FRMPD2: variants seen among roughly 807,000 people sequenced by gnomAD.
The protein encoded by FRMPD2 is FERM and PDZ domain-containing protein 2.
FRMPD2 carries 96 observed loss-of-function variants against 140.1 expected under a neutral mutation model. That is an observed-to-expected ratio of 0.69 (90% CI 0.58 to 0.81). FRMPD2 has a LOEUF of 0.81. Ranked by LOEUF, FRMPD2 falls within the 40% of genes least tolerant of loss-of-function variation. The pLI, the probability that FRMPD2 is intolerant of heterozygous loss-of-function variation, is 0.00. For synonymous variants in FRMPD2, 449 were observed against 547.6 expected (o/e 0.82, Z 2.52); for missense variants, 1,240 against 1,447.4 (o/e 0.86, Z 2.32).
Position 48,216,053 on chromosome 10 carries a change from C to T in FRMPD2, c.1456-3944G>A, listed in dbSNP as rs1839439517. On this transcript the variant is annotated intron_variant, in intron 12 of 28. Coordinates refer to ENST00000374201, the MANE Select transcript of FRMPD2 (RefSeq NM_001018071.4). ...CTGTAGAGAAGCAGCTCCTCTCTGC[C>T]TGACTCTCTTCATGCCAGTTCTTCT... is the stretch of plus-strand genomic sequence containing the variant. 2.0e-5 allele frequency among the ~76,000 whole-genome samples: 3 copies of T among 152,308 alleles called. No individual in the cohort carries two copies. The South Asian group carries it at 6.2e-4, about 32-fold the overall frequency.
intron 20 of FRMPD2, among the ~76,000 whole-genome samples, chr10:48,182,528 G>A (rs1838576946): frequency 6.6e-6 from 1 of 152,200 alleles, no homozygotes; most frequent in South Asian, 2.1e-4. Context: ...AGAAAGTCAT[G>A]GTAGTCAAGT....
At position 48,237,611 on chromosome 10, in the gene FRMPD2, C is replaced by T. The variant is rs369974948; in HGVS notation, c.921+380G>A. ...CTCCTCCCTATAGAAGCCCTCCCTG[C>T]GGCCCTGGATCTATGCTCCCACCTT... On this transcript the variant is annotated intron_variant, in intron 8 of 28. Coordinates refer to ENST00000374201, the MANE Select transcript of FRMPD2 (RefSeq NM_001018071.4). Among the ~76,000 whole-genome samples the T allele has an allele frequency of 2.6e-4, 40 of 152,226 alleles. 2 individuals are homozygous for T. The South Asian group carries it at 7.0e-3, about 27-fold the overall frequency.
intron 21 of FRMPD2, among the ~76,000 whole-genome samples, chr10:48,180,342 C>A (rs1838513277): frequency 6.6e-6 from 1 of 152,252 alleles, no homozygotes; most frequent in South Asian, 2.1e-4. Flanking sequence ...CTGAAGCACA[C>A]AGCCCTCCAT....
At chr10:48,216,756 CAA>C (rs1434429948) in intron 12 of FRMPD2, among the ~76,000 whole-genome samples, 1 of 152,122 alleles carries the variant, frequency 6.6e-6, no homozygotes, top group Admixed American at 6.5e-5. Context: ...ATGAAAAAGC[CAA>C]GGCTCAGAGA....
rs759553598 is a variant in FRMPD2, at chr10:48,222,326, T to C, written c.1442A>G (p.Asn481Ser). The C allele has an allele frequency of 3.7e-6, 6 of 1,614,052 alleles. No homozygotes were observed. In the South Asian group the frequency reaches 4.4e-5, roughly 12 times the overall value. ...GVLALQAEFG[N>S]YPKEQVESKP... Reference sequence around the variant, plus strand: ...GTTCACCCCTACCTCCTTAGGGTAATTGCCAAACTCAGCCTGCAAGGCAAG... The same window carrying C: ...GTTCACCCCTACCTCCTTAGGGTAACTGCCAAACTCAGCCTGCAAGGCAAG... The change falls in exon 12 of 29, where the codon AAT becomes AGT. Residue 481 changes from asparagine (N) to serine (S), a missense_variant. Around this residue, in one of 6 missense-constraint regions of FRMPD2, gnomAD observed 1,161 missense variants for 1,055.9 expected, o/e 1.10. Coordinates refer to ENST00000374201, the MANE Select transcript of FRMPD2 (RefSeq NM_001018071.4).
chr10:48,260,562 C>T (rs774241179), intron 1 of FRMPD2, among the ~76,000 whole-genome samples: 1 of 152,182 alleles, frequency 6.6e-6, no homozygotes. Flanking sequence ...AATAACATTT[C>T]ATCTGGGCAG....
At chr10:48,204,634 A>G (rs1055487551) in intron 14 of FRMPD2, among the ~76,000 whole-genome samples, 1 of 152,204 alleles carries the variant, frequency 6.6e-6, no homozygotes, top group Non-Finnish European at 1.5e-5. Flanking sequence ...GGCTTTTTTG[A>G]TATCTGCAGG....
chr10:48,191,742 T>A (rs1564420351), intron 16 of FRMPD2, among the ~76,000 whole-genome samples: 2 of 152,256 alleles, frequency 1.3e-5, no homozygotes, highest in Non-Finnish European at 2.9e-5. Context: ...CTGTGCTATT[T>A]CTATAAATTG....
chr10:48,174,619 C>A (rs1246938050), intron 24 of FRMPD2, among the ~76,000 whole-genome samples: 1 of 150,760 alleles, frequency 6.6e-6, no homozygotes, highest in African/African-American at 2.4e-5. Context: ...GGCAAGCCAC[C>A]AGTAAGTTTC....
intron 1 of FRMPD2, among the ~76,000 whole-genome samples, chr10:48,263,702 A>G (rs557349138): frequency 2.6e-5 from 4 of 152,294 alleles, no homozygotes; most frequent in African/African-American, 9.6e-5. Flanking sequence ...TTTCACTGTT[A>G]AAGTCTACCA....
chr10:48,222,277 T>C, intron 12 of FRMPD2, 36 bp downstream of exon 12: 2 of 1,599,664 alleles, frequency 1.3e-6, no homozygotes, highest in Non-Finnish European at 1.7e-6. Flanking sequence ...GTTTTTCCAG[T>C]GACCCCACAC....
chr10:48,273,118 A>T (rs1840797371), intron 1 of FRMPD2, among the ~76,000 whole-genome samples: 1 of 152,212 alleles, frequency 6.6e-6, no homozygotes, highest in Non-Finnish European at 1.5e-5. Flanking sequence ...AACTTATTAG[A>T]TGCATATGTA....
chr10:48,190,734 A>T (rs1177557458), intron 16 of FRMPD2, among the ~76,000 whole-genome samples: 1 of 152,184 alleles, frequency 6.6e-6, no homozygotes, highest in Non-Finnish European at 1.5e-5. Context: ...GTAAACCAAG[A>T]TTAGAGTTAT....
intron 12 of FRMPD2, among the ~76,000 whole-genome samples, chr10:48,221,300 A>T (rs1839581809): frequency 6.6e-6 from 1 of 152,224 alleles, no homozygotes; most frequent in African/African-American, 2.4e-5. Context: ...CCTAGGTGGA[A>T]TTAGAGACCA....
At chr10:48,209,786 G>C (rs927283547) in intron 13 of FRMPD2, among the ~76,000 whole-genome samples, 15 of 152,154 alleles carry the variant, frequency 9.9e-5, no homozygotes. Context: ...GAATGAAGCA[G>C]AAATACAGCT....
chr10:48,218,856 G>T (rs1241342108), intron 12 of FRMPD2, among the ~76,000 whole-genome samples: 1 of 152,224 alleles, frequency 6.6e-6, no homozygotes, highest in African/African-American at 2.4e-5. Flanking sequence ...TTGTCACAGG[G>T]ATGCTGGGAG....
intron 7 of FRMPD2, among the ~76,000 whole-genome samples, chr10:48,239,110 G>C (rs1840038464): frequency 1.3e-5 from 2 of 152,280 alleles, no homozygotes; most frequent in Admixed American, 1.3e-4. Context: ...GAGCTTCCCA[G>C]ACAATGGCCA....
At chr10:48,237,066 C>G (rs1442958702) in intron 8 of FRMPD2, among the ~76,000 whole-genome samples, 1 of 151,864 alleles carries the variant, frequency 6.6e-6, no homozygotes, top group African/African-American at 2.4e-5. Flanking sequence ...AGCTATCCCC[C>G]TGTGGGGTGC....
intron 14 of FRMPD2, 102 bp downstream of exon 14, chr10:48,206,646 T>C: frequency 1.2e-6 from 1 of 848,644 alleles, no homozygotes; most frequent in Non-Finnish European, 1.9e-6. Flanking sequence ...GAATGTTTGG[T>C]CAGGAGAAAG....
Sources: allele counts gnomAD v4.1 joint callset (sites outside exome capture counted in the v4.1 genomes callset), GRCh38; gene constraint gnomAD v4.1.1; regional missense constraint gnomAD v4.1.1; transcripts MANE v1.5; gene names NCBI Gene and HGNC (gene_info 2026-07-23, HGNC 2026-07-21).